MAPK14: variants seen among roughly 807,000 people sequenced by gnomAD.
The protein encoded by MAPK14 is CSAID-binding protein.
MAPK14 carries 16 observed loss-of-function variants against 49.6 expected under a neutral mutation model. That is an observed-to-expected ratio of 0.32 (90% CI 0.22 to 0.49). The LOEUF is 0.49. MAPK14 is among the 20% of genes least tolerant of loss of function. The pLI is 0.99. For synonymous variants in MAPK14, 142 were observed against 158.0 expected, an observed-to-expected ratio of 0.90 and a Z score of 0.76; for missense variants, 200 against 441.2, an observed-to-expected ratio of 0.45 and a Z score of 4.90.
At chr6:36,117,187 T>G in the MAPK14 span, among the ~76,000 whole-genome samples, 1 of 152,192 alleles carries the variant, frequency 6.6e-6, no homozygotes, top group African/African-American at 2.4e-5. Context: ...TCTACTCATC[T>G]GGGATAGAAA....
At chr6:36,097,814 A>T (rs905192309) in intron 9 of MAPK14, 1 of 152,228 alleles carries the variant, frequency 6.6e-6, no homozygotes, top group African/African-American at 2.4e-5. Context: ...CTGTGAAATG[A>T]GGCACATTAT....
chr6:36,076,113 C>G, intron 7 of MAPK14, 151 bp downstream of exon 7: 1 of 796,132 alleles, frequency 1.3e-6, no homozygotes, highest in Non-Finnish European at 2.0e-6. Flanking sequence ...TATTTCACTT[C>G]CTCAGATGGG....
Position 36,072,936 on chromosome 6 carries a change from A to C in MAPK14, c.369A>C (p.Thr123=). The change falls in exon 4 of 12, where the codon ACA becomes ACC. Residue 123 remains threonine (T), a synonymous_variant. Transcript: ENST00000229794. Reference sequence around the variant, plus strand: ...ACATTGTGAAATGTCAGAAGCTTACAGATGACCATGTTCAGTTCCTTATCT... The same window carrying C: ...ACATTGTGAAATGTCAGAAGCTTACCGATGACCATGTTCAGTTCCTTATCT... ...LNNIVKCQKL[T]DDHVQFLIYQ... is the part of the protein sequence containing the mutation. 5.0e-6 allele frequency: 8 copies of C among 1,613,644 alleles called. No homozygotes were observed. Among genetic ancestry groups the C allele is most frequent in the Non-Finnish European group, 5.1e-6 (6 of 1,179,638 alleles).
At position 36,108,642 on chromosome 6, in the gene MAPK14, G is replaced by T; in HGVS notation, c.*195G>T. 1 of 594,296 alleles carries T rather than the reference G, an allele frequency of 1.7e-6. No homozygotes were observed. The highest frequency in any genetic ancestry group is 3.0e-6 in the Non-Finnish European group (1 of 328,386). 36.8% of individuals were successfully genotyped at this position (594,296 alleles called of 1,614,324 possible). On this transcript the variant is annotated 3_prime_UTR_variant, in exon 12 of 12. Coordinates refer to ENST00000229794, the MANE Select transcript of MAPK14 (RefSeq NM_139012.3). ...TCTTTGTGGGAGGGTAAGACAATATGAACAAACTATGATCACAGTGACTTT... is the reference window on the plus strand; with the variant it reads ...TCTTTGTGGGAGGGTAAGACAATATTAACAAACTATGATCACAGTGACTTT...
intron 8 of MAPK14, among the ~76,000 whole-genome samples, chr6:36,095,050 G>T (rs1219521780): frequency 6.6e-6 from 1 of 152,172 alleles, no homozygotes; most frequent in African/African-American, 2.4e-5. Context: ...CACATTTTCA[G>T]AGGAAATATT....
At chr6:36,035,681 G>A (rs1329253087) in intron 1 of MAPK14, among the ~76,000 whole-genome samples, 1 of 152,192 alleles carries the variant, frequency 6.6e-6, no homozygotes, top group Non-Finnish European at 1.5e-5. Context: ...TTATATTCCA[G>A]TAAACAAATG....
At chr6:36,032,218 T>C (rs1226865187) in intron 1 of MAPK14, among the ~76,000 whole-genome samples, 1 of 152,196 alleles carries the variant, frequency 6.6e-6, no homozygotes, top group Non-Finnish European at 1.5e-5. Context: ...TACAAATTAT[T>C]TTAAGCCTAT....
intron 9 of MAPK14, 65 bp from the exon 10 acceptor site, chr6:36,102,506 G>A: frequency 8.0e-7 from 1 of 1,242,602 alleles, no homozygotes; most frequent in Non-Finnish European, 1.2e-6. Flanking sequence ...GCAGGACCAA[G>A]ATTCTTTCTT....
intron 9 of MAPK14, chr6:36,096,751 A>G (rs181555392): frequency 3.9e-5 from 6 of 152,328 alleles, no homozygotes; most frequent in Admixed American, 1.3e-4. Flanking sequence ...AAGTTAGATA[A>G]CCTGAGACAG....
intron 8 of MAPK14, among the ~76,000 whole-genome samples, chr6:36,095,342 A>G (rs851008): frequency 0.89 from 135,162 of 152,262 alleles, 60,141 homozygotes; most frequent in East Asian, 1. Flanking sequence ...GGAACATGCG[A>G]TGGGAGAGCG....
chr6:36,117,267 C>T, the MAPK14 span, among the ~76,000 whole-genome samples: 1 of 152,216 alleles, frequency 6.6e-6, no homozygotes, highest in Non-Finnish European at 1.5e-5. Context: ...AGCCAGCACT[C>T]GCTTTGTATG....
chr6:36,031,504 C>T (rs1762542267), intron 1 of MAPK14, among the ~76,000 whole-genome samples: 1 of 152,118 alleles, frequency 6.6e-6, no homozygotes, highest in African/African-American at 2.4e-5. Flanking sequence ...CTCATGGGTT[C>T]AAGCGATTCT....
At chr6:36,078,242 G>A (rs1314911396) in intron 8 of MAPK14, among the ~76,000 whole-genome samples, 1 of 152,172 alleles carries the variant, frequency 6.6e-6, no homozygotes, top group African/African-American at 2.4e-5. Context: ...ATACTCACAA[G>A]GTTGTCGTAA....
Position 36,110,427 on chromosome 6 carries a change from T to G in MAPK14, c.*1980T>G, listed in dbSNP as rs1419173327. ...TCACCATCCACAGCAAGATGAATTT[T>G]ATCAGCCATGTTTGGTTGTAAATGC... On this transcript the variant is annotated 3_prime_UTR_variant, in exon 12 of 12. Coordinates refer to ENST00000229794, the MANE Select transcript of MAPK14 (RefSeq NM_139012.3). 1 of 152,716 alleles carries G rather than the reference T, an allele frequency of 6.5e-6. No homozygotes were observed. The highest frequency in any genetic ancestry group is 1.5e-5 in the Non-Finnish European group (1 of 68,054). 9.5% of individuals were successfully genotyped at this position (152,716 alleles called of 1,614,324 possible).
chr6:36,084,445 A>G (rs1432630426), intron 8 of MAPK14, among the ~76,000 whole-genome samples: 1 of 152,210 alleles, frequency 6.6e-6, no homozygotes, highest in Non-Finnish European at 1.5e-5. Context: ...GAATCTAAGA[A>G]CCATGATAAA....
intron 9 of MAPK14, chr6:36,100,168 C>T: frequency 1.3e-6 from 2 of 1,538,488 alleles, no homozygotes; most frequent in Non-Finnish European, 1.8e-6. Flanking sequence ...TTTAACAATG[C>T]CCTTGACTAG....
intron 1 of MAPK14, among the ~76,000 whole-genome samples, chr6:36,038,745 T>C (rs1189446412): frequency 1.3e-5 from 2 of 151,872 alleles, no homozygotes; most frequent in African/African-American, 2.4e-5. Context: ...TCCAGCTCTT[T>C]AAATAACATG....
Position 36,028,347 on chromosome 6 carries a change from G to A in MAPK14, c.116+74G>A. 1 of 1,015,346 alleles carries A rather than the reference G, an allele frequency of 9.8e-7. No individual in the cohort carries two copies. Among genetic ancestry groups the A allele is most frequent in the Non-Finnish European group, 1.5e-6 (1 of 656,536 alleles). The allele number at this position is 1,015,346 out of a possible 1,614,324, so 62.9% of individuals were successfully genotyped here. On this transcript the variant is annotated intron_variant, in intron 1 of 11. Coordinates refer to ENST00000229794, the MANE Select transcript of MAPK14 (RefSeq NM_139012.3). This position sits in a 1 kb window ranked among gnomAD's most constrained non-coding sequence, Gnocchi z 5.1. ...GCCCGAGGGCCAGGCCTGCTCCACT[G>A]CTCAGCGTTGCGTCAAGTGGCAGGA... is the stretch of plus-strand genomic sequence containing the variant.
chr6:36,050,690 G>A (rs1232531790), intron 1 of MAPK14, among the ~76,000 whole-genome samples: 11 of 152,306 alleles, frequency 7.2e-5, no homozygotes, highest in Middle Eastern at 3.4e-3. Context: ...TGAGCAGGAG[G>A]TATTTTATAG....
Sources: gnomAD v4.1 joint callset for allele counts (sites outside exome capture counted in the v4.1 genomes callset) on GRCh38, gnomAD v4.1.1 for gene constraint, Gnocchi (gnomAD v3.1) non-coding constraint, MANE v1.5 for transcripts, NCBI Gene and HGNC (gene_info 2026-07-23, HGNC 2026-07-21) for gene names.